Variants in PPP2R3A observed in about 807,000 individuals in gnomAD.
The protein encoded by PPP2R3A is serine/threonine-protein phosphatase 2A regulatory subunit B'' subunit alpha.
Under a neutral mutation model 106.9 loss-of-function variants are expected in PPP2R3A, and 80 were observed. That is an observed-to-expected ratio of 0.75 (90% CI 0.62 to 0.90). The LOEUF is 0.90. PPP2R3A is among the 40% of genes least tolerant of loss of function. The pLI is 0.00. For synonymous variants in PPP2R3A, 483 were observed against 468.3 expected (o/e 1.03, Z -0.41); for missense variants, 1,386 against 1,350.4 (o/e 1.03, Z -0.41).
chr3:136,001,943 G>A lies in PPP2R3A; in HGVS notation c.445G>A (p.Asp149Asn). Residue 149 changes from aspartate (D) to asparagine (N), a missense_variant, in exon 2 of 14, where the codon GAC becomes AAC. Physicochemically the swap from Asp to Asn is conservative, Grantham distance 23. Transcript: ENST00000264977. ...CAGAAAGGGAAGGAAAGTTAAGTCT[G>A]ACTCATTTAATAGGAGGTCAGTTGA... ...AYRKGRKVKS[D>N]SFNRRSVDLD... is the part of the protein sequence containing the mutation. 2 of 1,614,142 alleles carry A rather than the reference G, an allele frequency of 1.2e-6. No homozygotes were observed. The highest frequency in any genetic ancestry group is 1.7e-6 in the Non-Finnish European group (2 of 1,180,028).
At chr3:136,040,794 T>C in intron 3 of PPP2R3A, 65 bp from the exon 4 acceptor site, 2 of 1,382,604 alleles carry the variant, frequency 1.4e-6, no homozygotes, top group Non-Finnish European at 2.0e-6. Flanking sequence ...ACAAAGATCT[T>C]TTCTTTGGCC....
intron 4 of PPP2R3A, 103 bp from the exon 5 acceptor site, chr3:136,049,156 A>G (rs1020905326): frequency 1.3e-5 from 10 of 782,992 alleles, no homozygotes; most frequent in Non-Finnish European, 2.1e-5. Context: ...TTGATTGTTG[A>G]TCTGAGTGGC....
chr3:136,120,834 A>G (rs1360370113), intron 13 of PPP2R3A, among the ~76,000 whole-genome samples: 1 of 152,168 alleles, frequency 6.6e-6, no homozygotes, highest in East Asian at 1.9e-4. Context: ...AAAATGTTCA[A>G]CATCACTAAT....
intron 13 of PPP2R3A, among the ~76,000 whole-genome samples, chr3:136,138,382 C>T (rs1379428233): frequency 6.6e-6 from 1 of 152,172 alleles, no homozygotes; most frequent in Non-Finnish European, 1.5e-5. Flanking sequence ...TAAGAATTAA[C>T]AGTTGATAGC....
intron 1 of PPP2R3A, among the ~76,000 whole-genome samples, chr3:136,000,322 A>G (rs1196080743): frequency 6.6e-6 from 1 of 152,178 alleles, no homozygotes; most frequent in East Asian, 1.9e-4. Context: ...GGTAGTCAGT[A>G]TTTGTTGACG....
intron 2 of PPP2R3A, among the ~76,000 whole-genome samples, chr3:136,010,203 C>T (rs1934000027): frequency 6.6e-6 from 1 of 151,360 alleles, no homozygotes; most frequent in South Asian, 2.1e-4. Flanking sequence ...CCTTCTATTT[C>T]TATTATTTCT....
intron 2 of PPP2R3A, among the ~76,000 whole-genome samples, chr3:136,007,564 G>A (rs183040746): frequency 1.3e-5 from 2 of 152,338 alleles, no homozygotes; most frequent in African/African-American, 4.8e-5. Context: ...AAGAGGGAAA[G>A]ACATCATGTG....
At position 136,093,667 on chromosome 3, in the gene PPP2R3A, G is replaced by A. The variant is rs113518963; in HGVS notation, c.2927+3000G>A. On this transcript the variant is annotated intron_variant, in intron 10 of 13. Coordinates refer to ENST00000264977, the MANE Select transcript of PPP2R3A (RefSeq NM_002718.5). ...CATGAAAAGATGCTTGACATCATTA[G>A]TCATCAGAGAAGTGCAAATCAAAAC... Among the ~76,000 whole-genome samples, 1,182 of 152,262 alleles carry A rather than the reference G, an allele frequency of 7.8e-3. 24 individuals are homozygous for A. Among genetic ancestry groups the A allele is most frequent in the African/African-American group, 0.026 (1,073 of 41,550 alleles).
At chr3:136,120,139 G>T (rs572999035) in intron 13 of PPP2R3A, among the ~76,000 whole-genome samples, 20 of 151,968 alleles carry the variant, frequency 1.3e-4, no homozygotes, top group South Asian at 4.2e-4. Context: ...TGTCCGGGGG[G>T]GGTGGGGGCT....
At chr3:135,983,141 A>G (rs530664445) in intron 1 of PPP2R3A, among the ~76,000 whole-genome samples, 1 of 152,292 alleles carries the variant, frequency 6.6e-6, no homozygotes, top group African/African-American at 2.4e-5. Context: ...CTGTCAAGGG[A>G]CACGTGAGGA....
rs753572868 is a variant in PPP2R3A, at chr3:136,001,777, C to T, written c.279C>T (p.Gly93=). Residue 93 remains glycine, a synonymous_variant, in exon 2 of 14, where the codon GGC becomes GGT. Coordinates refer to ENST00000264977, the MANE Select transcript of PPP2R3A (RefSeq NM_002718.5). The part of the protein sequence containing the change: ...EGDYPQQAFT[G]IPRVKRGSTF... ...ACTATCCCCAACAGGCCTTCACAGG[C>T]ATACCCAGGGTCAAGAGAGGATCTA... 8.7e-6 allele frequency: 14 copies of T among 1,614,002 alleles called. No individual in the cohort carries two copies. The highest frequency in any genetic ancestry group is 1.2e-5 in the Non-Finnish European group (14 of 1,180,036).
In PPP2R3A at chr3:136,101,994, C is replaced by T. The variant is rs145678195; in HGVS notation, c.2928-13C>T. 96 of 1,608,022 alleles carry T rather than the reference C, an allele frequency of 6.0e-5. 1 individual carries two copies. The African/African-American group carries it at 1.1e-3, about 19-fold the overall frequency. On this transcript the variant is annotated splice_polypyrimidine_tract_variant and intron_variant, in intron 10 of 13. Coordinates refer to ENST00000264977, the MANE Select transcript of PPP2R3A (RefSeq NM_002718.5). ...TTACCAGGCCCATGATAATGATTGT[C>T]CTTATCATCTAGCATTGAGTATTGG...
chr3:136,110,346 A>G (rs1273679023), intron 13 of PPP2R3A, among the ~76,000 whole-genome samples: 1 of 152,212 alleles, frequency 6.6e-6, no homozygotes, highest in South Asian at 2.1e-4. Flanking sequence ...ATAAGAGAGA[A>G]TATCACACTC....
rs938651265 is a variant in PPP2R3A, at chr3:135,979,721, C to CA, written c.-441+13882dup. 3.4e-4 allele frequency among the ~76,000 whole-genome samples: 48 copies of CA among 142,976 alleles called. No homozygotes were observed. The South Asian group carries it at 4.6e-3, about 14-fold the overall frequency. 93.8% of individuals were successfully genotyped at this position (142,976 alleles called of 152,430 possible). On this transcript the variant is annotated intron_variant, in intron 1 of 13. Coordinates refer to ENST00000264977, the MANE Select transcript of PPP2R3A (RefSeq NM_002718.5). ...GAATGTCCAAAACATACTGGGCAGA[C>CA]AAAAAAAAAATATGGTAAGTATCCA...
At chr3:136,066,163 A>T (rs1936258043) in intron 5 of PPP2R3A, among the ~76,000 whole-genome samples, 1 of 152,232 alleles carries the variant, frequency 6.6e-6, no homozygotes. Context: ...CTGCACAAAA[A>T]AGCACAAAGC....
intron 4 of PPP2R3A, among the ~76,000 whole-genome samples, chr3:136,046,161 A>G (rs1243803813): frequency 6.6e-6 from 1 of 151,682 alleles, no homozygotes; most frequent in Non-Finnish European, 1.5e-5. Context: ...TTGGTGACAG[A>G]GCCAGGCTTT....
chr3:136,071,428 A>G (rs1236695652), intron 6 of PPP2R3A, among the ~76,000 whole-genome samples: 1 of 152,220 alleles, frequency 6.6e-6, no homozygotes, highest in East Asian at 1.9e-4. Context: ...AAAACTTTGT[A>G]AGATTTTATT....
At chr3:136,104,523 C>T (rs1204253312) in intron 12 of PPP2R3A, among the ~76,000 whole-genome samples, 1 of 152,138 alleles carries the variant, frequency 6.6e-6, no homozygotes, top group Non-Finnish European at 1.5e-5. Flanking sequence ...TCAGGCTGGT[C>T]TCGAACTCCC....
At chr3:136,134,098 C>T (rs555579967) in intron 13 of PPP2R3A, among the ~76,000 whole-genome samples, 18 of 152,178 alleles carry the variant, frequency 1.2e-4, no homozygotes, top group Non-Finnish European at 2.2e-4. Flanking sequence ...GTATATTAAG[C>T]ATTATTGGAT....
Sources: gnomAD v4.1 joint callset for allele counts (sites outside exome capture counted in the v4.1 genomes callset) on GRCh38, gnomAD v4.1.1 for gene constraint, MANE v1.5 for transcripts, NCBI Gene and HGNC (gene_info 2026-07-23, HGNC 2026-07-21) for gene names.